Variants in ZDHHC3 observed in about 807,000 individuals in gnomAD.
ZDHHC3 encodes the protein palmitoyltransferase ZDHHC3.
ZDHHC3 carries 9 observed loss-of-function variants against 30.6 expected under a neutral mutation model. The observed-to-expected ratio is 0.29, with a 90% CI of 0.18 to 0.51. The LOEUF is 0.51. Among genes scored for constraint, ZDHHC3 ranks in the 20% least tolerant of loss-of-function variants. ZDHHC3 has a pLI of 0.97. For missense variants in ZDHHC3, 246 were observed against 384.2 expected (o/e 0.64, Z 3.01); for synonymous variants, 136 against 140.2 (o/e 0.97, Z 0.21).
In ZDHHC3 at chr3:44,920,593, A is replaced by G. The variant is rs1700525539; in HGVS notation, c.*6096T>C. Reference sequence around the variant, plus strand: ...CCAAGGCTCATCTAGCTTGTTATGTATCAGAACTGGAACCAGAACTAGTGT... The same window carrying G: ...CCAAGGCTCATCTAGCTTGTTATGTGTCAGAACTGGAACCAGAACTAGTGT... On this transcript the variant is annotated 3_prime_UTR_variant, in exon 7 of 7. Coordinates refer to ENST00000424952, the MANE Select transcript of ZDHHC3 (RefSeq NM_001135179.2). 1.0e-6 allele frequency: 1 copy of G among 985,304 alleles called. No individual in the cohort carries two copies. Among genetic ancestry groups the G allele is most frequent in the Admixed American group, 6.1e-5 (1 of 16,264 alleles). 61.0% of individuals were successfully genotyped at this position (985,304 alleles called of 1,614,324 possible).
chr3:44,923,202 A>T lies in ZDHHC3; in HGVS notation c.*3487T>A. On this transcript the variant is annotated 3_prime_UTR_variant, in exon 7 of 7. Transcript: ENST00000424952. ...GCCATTCTCCTGCCTCAGCCTCCCA[A>T]GTAGCTGGGACTACAGACGCCTGCC... 3 of 826,802 alleles carry T rather than the reference A, an allele frequency of 3.6e-6. No individual in the cohort carries two copies. In the South Asian group the frequency reaches 1.7e-4, roughly 46 times the overall value. The allele number at this position is 826,802 out of a possible 1,614,324, so 51.2% of individuals were successfully genotyped here.
Position 44,917,781 on chromosome 3 carries a change from G to A in ZDHHC3, c.*8908C>T. 3 of 1,192,720 alleles carry A rather than the reference G, an allele frequency of 2.5e-6. No individual in the cohort carries two copies. The highest frequency in any genetic ancestry group is 3.2e-6 in the Non-Finnish European group (3 of 923,896). 73.9% of individuals were successfully genotyped at this position (1,192,720 alleles called of 1,614,324 possible). On this transcript the variant is annotated 3_prime_UTR_variant, in exon 7 of 7. Transcript: ENST00000424952. ...ATGGCAAGGCCAAGCGAGTGGCTAA[G>A]GGAAGCACTGGGGGTGCTGGGAGCG... is the stretch of plus-strand genomic sequence containing the variant.
chr3:44,927,385 TTG>T (rs1470498686), intron 6 of ZDHHC3, among the ~76,000 whole-genome samples: 4 of 152,132 alleles, frequency 2.6e-5, no homozygotes, highest in Non-Finnish European at 5.9e-5. Flanking sequence ...TGCTCTGGCG[TTG>T]TGTGTCTCAC....
At chr3:44,956,584 T>C (rs1273834645) in intron 2 of ZDHHC3, among the ~76,000 whole-genome samples, 3 of 152,180 alleles carry the variant, frequency 2.0e-5, no homozygotes, top group Non-Finnish European at 4.4e-5. Flanking sequence ...TATAGTAGTC[T>C]CTGGGGGTGA....
In ZDHHC3 at chr3:44,959,855, G is replaced by A. The variant is rs957213657; in HGVS notation, c.-24-395C>T. 1.1e-4 allele frequency among the ~76,000 whole-genome samples: 16 copies of A among 152,082 alleles called. No homozygotes were observed. The highest frequency in any genetic ancestry group is 2.4e-4 in the African/African-American group (10 of 41,390). On this transcript the variant is annotated intron_variant, in intron 1 of 6. Transcript: ENST00000424952. This position sits in a 1 kb window ranked among gnomAD's most constrained non-coding sequence, Gnocchi z 4.3. ...CAATGCAGCCTCGACCTCCCACCTC[G>A]GGCTCAAGGGATCCTCCCACCTCAA...
rs745755326 is a variant in ZDHHC3, at chr3:44,959,098, T to C, written c.306+33A>G. ...ATGCCAGAGCCAGAGGAGGAGAGTGTGGGCTGGTCAAAACAAGCCCAGACA... is the reference window on the plus strand; with the variant it reads ...ATGCCAGAGCCAGAGGAGGAGAGTGCGGGCTGGTCAAAACAAGCCCAGACA... On this transcript the variant is annotated intron_variant, in intron 2 of 6. Coordinates refer to ENST00000424952, the MANE Select transcript of ZDHHC3 (RefSeq NM_001135179.2). The surrounding 1 kb of genome is among the most constrained non-coding windows in gnomAD (Gnocchi z 4.3). 1 of 1,610,578 alleles carries C rather than the reference T, an allele frequency of 6.2e-7. No individual in the cohort carries two copies. Among genetic ancestry groups the C allele is most frequent in the South Asian group, 1.1e-5 (1 of 90,642 alleles).
intron 5 of ZDHHC3, among the ~76,000 whole-genome samples, chr3:44,930,048 C>T (rs992563761): frequency 8.5e-5 from 13 of 152,154 alleles, no homozygotes; most frequent in South Asian, 2.1e-4. Context: ...TTTGCAGCAC[C>T]GAGGCCAACA....
chr3:44,973,873 T>C (rs1559731769), intron 1 of ZDHHC3, among the ~76,000 whole-genome samples: 1 of 152,240 alleles, frequency 6.6e-6, no homozygotes, highest in African/African-American at 2.4e-5. Context: ...CAGAATAGTA[T>C]GCCCCAATTC....
chr3:44,931,437 G>A (rs1701476515), intron 5 of ZDHHC3, among the ~76,000 whole-genome samples: 2 of 152,128 alleles, frequency 1.3e-5, no homozygotes, highest in Admixed American at 6.5e-5. Context: ...ATCAGATCAG[G>A]GAGTGTGGAA....
At chr3:44,969,219 C>A (rs1043025764) in intron 1 of ZDHHC3, among the ~76,000 whole-genome samples, 3 of 152,160 alleles carry the variant, frequency 2.0e-5, no homozygotes, top group African/African-American at 7.2e-5. Flanking sequence ...GGCTCCAGTT[C>A]TGCTTGATTG....
intron 2 of ZDHHC3, among the ~76,000 whole-genome samples, chr3:44,956,478 G>T (rs2125901134): frequency 6.6e-6 from 1 of 152,288 alleles, no homozygotes. Context: ...TGTCAGTTCT[G>T]AACTGCATTC....
chr3:44,953,577 C>T (rs541892517), intron 2 of ZDHHC3, among the ~76,000 whole-genome samples: 3 of 152,260 alleles, frequency 2.0e-5, no homozygotes, highest in South Asian at 4.1e-4. Flanking sequence ...GGATCAAAGC[C>T]CGTGCACACC....
intron 3 of ZDHHC3, among the ~76,000 whole-genome samples, chr3:44,942,621 C>T (rs773502876): frequency 1.4e-4 from 21 of 152,218 alleles, no homozygotes; most frequent in Non-Finnish European, 2.6e-4. Context: ...TGTTCTGGTC[C>T]AGCCTTTATA....
intron 3 of ZDHHC3, among the ~76,000 whole-genome samples, chr3:44,941,209 C>T (rs1337505889): frequency 6.6e-6 from 1 of 152,084 alleles, no homozygotes; most frequent in South Asian, 2.1e-4. Flanking sequence ...TGAGCCATGG[C>T]GTCACACACA....
chr3:44,931,550 C>A (rs931727422), intron 5 of ZDHHC3, among the ~76,000 whole-genome samples: 11 of 152,196 alleles, frequency 7.2e-5, no homozygotes, highest in African/African-American at 2.7e-4. Context: ...AACAGCTCCA[C>A]CAGGGCTGAG....
Position 44,920,250 on chromosome 3 carries a change from G to A in ZDHHC3, c.*6439C>T, listed in dbSNP as rs1219732524. ...TGCTTCCTGACTGGCCCCTCGCCAG[G>A]CCTCCCTTCTTGGCACAGAAGCAGT... On this transcript the variant is annotated 3_prime_UTR_variant, in exon 7 of 7. Coordinates refer to ENST00000424952, the MANE Select transcript of ZDHHC3 (RefSeq NM_001135179.2). 1.6e-6 allele frequency: 2 copies of A among 1,289,762 alleles called. No homozygotes were observed. Among genetic ancestry groups the A allele is most frequent in the African/African-American group, 1.5e-5 (1 of 65,872 alleles). The allele number at this position is 1,289,762 out of a possible 1,614,324, so 79.9% of individuals were successfully genotyped here.
At chr3:44,934,093 T>C in intron 3 of ZDHHC3, 109 bp from the exon 4 acceptor site, 4 of 1,072,186 alleles carry the variant, frequency 3.7e-6, no homozygotes, top group Non-Finnish European at 1.4e-6. Flanking sequence ...AATGGCTTCC[T>C]TGGGCACTGC....
chr3:44,928,186 A>G (rs1227188038), intron 6 of ZDHHC3, among the ~76,000 whole-genome samples: 1 of 152,206 alleles, frequency 6.6e-6, no homozygotes, highest in Non-Finnish European at 1.5e-5. Flanking sequence ...TACTAGTTTT[A>G]CAGAAACTCT....
At chr3:44,932,207 C>A (rs1405832098) in intron 5 of ZDHHC3, among the ~76,000 whole-genome samples, 1 of 152,056 alleles carries the variant, frequency 6.6e-6, no homozygotes. Flanking sequence ...AACTTGCTGG[C>A]GACTCACCTA....
Sources: allele counts gnomAD v4.1 joint callset (sites outside exome capture counted in the v4.1 genomes callset), GRCh38; gene constraint gnomAD v4.1.1; non-coding constraint Gnocchi (gnomAD v3.1); transcripts MANE v1.5; gene names NCBI Gene and HGNC (gene_info 2026-07-23, HGNC 2026-07-21).